RAP1GDS1: variants seen among roughly 807,000 people sequenced by gnomAD.
RAP1GDS1 encodes RAP1, GTP-GDP dissociation stimulator 1.
A neutral mutation model predicts 71.1 loss-of-function variants in RAP1GDS1; 35 were observed. That is an observed-to-expected ratio of 0.49 (90% CI 0.38 to 0.65). The LOEUF is 0.65. Among genes scored for constraint, RAP1GDS1 ranks in the 30% least tolerant of loss-of-function variants. The pLI, the probability that RAP1GDS1 is intolerant of heterozygous loss-of-function variation, is 0.00. For missense variants in RAP1GDS1, 663 were observed against 706.1 expected, an observed-to-expected ratio of 0.94 and a Z score of 0.69; for synonymous variants, 229 against 243.1, an observed-to-expected ratio of 0.94 and a Z score of 0.54.
chr4:98,280,342 C>T (rs559471455), intron 1 of RAP1GDS1, among the ~76,000 whole-genome samples: 8 of 152,272 alleles, frequency 5.3e-5, no homozygotes, highest in Non-Finnish European at 1.0e-4. Flanking sequence ...CATTGATTTG[C>T]GTTTCTCTGA....
intron 1 of RAP1GDS1, among the ~76,000 whole-genome samples, chr4:98,273,234 A>C (rs915875271): frequency 6.6e-6 from 1 of 152,186 alleles, no homozygotes; most frequent in African/African-American, 2.4e-5. Context: ...TTTTGAACTC[A>C]GAAATAAGAA....
At position 98,358,702 on chromosome 4, in the gene RAP1GDS1, A is replaced by G. The variant is rs558500686; in HGVS notation, c.361+6101A>G. On this transcript the variant is annotated intron_variant, in intron 4 of 14. Transcript: ENST00000408927. ...TTAGTTGTGGTACACAAATCTGTAC[A>G]TATGTTAGAATTGCTTAGAACCATA... 2.0e-5 allele frequency among the ~76,000 whole-genome samples: 3 copies of G among 152,194 alleles called. No homozygotes were observed. The South Asian group carries it at 6.2e-4, about 32-fold the overall frequency.
At chr4:98,309,683 A>T (rs1019304307) in intron 2 of RAP1GDS1, among the ~76,000 whole-genome samples, 1 of 152,032 alleles carries the variant, frequency 6.6e-6, no homozygotes, top group Non-Finnish European at 1.5e-5. Flanking sequence ...TGTCAGAAAT[A>T]TATCTTCTTA....
At chr4:98,388,497 G>A (rs1743098682) in intron 5 of RAP1GDS1, among the ~76,000 whole-genome samples, 1 of 152,104 alleles carries the variant, frequency 6.6e-6, no homozygotes, top group African/African-American at 2.4e-5. Flanking sequence ...AGGCCGAGGC[G>A]GATGGATCGC....
intron 3 of RAP1GDS1, among the ~76,000 whole-genome samples, chr4:98,348,241 T>A (rs1736604449): frequency 6.6e-6 from 1 of 152,134 alleles, no homozygotes. Flanking sequence ...CTGTGATAGT[T>A]TGCTGAGAAT....
At chr4:98,364,424 C>A (rs1163370471) in intron 4 of RAP1GDS1, among the ~76,000 whole-genome samples, 1 of 152,066 alleles carries the variant, frequency 6.6e-6, no homozygotes, top group Non-Finnish European at 1.5e-5. Flanking sequence ...TAGTGTTGAT[C>A]TGAAAACCAG....
intron 1 of RAP1GDS1, among the ~76,000 whole-genome samples, chr4:98,280,638 C>T (rs557181154): frequency 7.2e-5 from 11 of 152,118 alleles, no homozygotes; most frequent in Middle Eastern, 3.4e-3. Context: ...TCAATTTTGG[C>T]TTTTGTTGCC....
intron 2 of RAP1GDS1, among the ~76,000 whole-genome samples, chr4:98,329,318 ATAAC>A (rs953553076): frequency 2.0e-4 from 30 of 152,342 alleles, no homozygotes; most frequent in African/African-American, 5.8e-4. Flanking sequence ...ATTTAAGTAA[ATAAC>A]TAATAGTGTT....
chr4:98,426,638 A>G (rs1324220908), intron 12 of RAP1GDS1, among the ~76,000 whole-genome samples: 3 of 152,152 alleles, frequency 2.0e-5, no homozygotes, highest in Non-Finnish European at 4.4e-5. Flanking sequence ...ATTCCTGGAA[A>G]AATACAACCT....
At chr4:98,396,211 C>T (rs1375254713) in intron 6 of RAP1GDS1, 2 of 152,176 alleles carry the variant, frequency 1.3e-5, no homozygotes, top group Non-Finnish European at 2.9e-5. Flanking sequence ...TTGGAAATTA[C>T]GTTTCAACAT....
At chr4:98,288,292 TG>T (rs1726345823) in intron 1 of RAP1GDS1, among the ~76,000 whole-genome samples, 1 of 152,192 alleles carries the variant, frequency 6.6e-6, no homozygotes, top group Non-Finnish European at 1.5e-5. Flanking sequence ...TTTGGTTTTT[TG>T]TCCTTGCCAT....
chr4:98,300,249 A>G (rs1002495708), intron 2 of RAP1GDS1, among the ~76,000 whole-genome samples: 2 of 152,206 alleles, frequency 1.3e-5, no homozygotes, highest in African/African-American at 4.8e-5. Context: ...AGGAAAGATC[A>G]TCCAGCAGCA....
intron 12 of RAP1GDS1, among the ~76,000 whole-genome samples, chr4:98,433,299 CTT>C (rs554332407): frequency 6.8e-6 from 1 of 146,922 alleles, no homozygotes; most frequent in Non-Finnish European, 1.5e-5. Context: ...TTAAAAGCAA[CTT>C]TTTTTTTTTT....
intron 4 of RAP1GDS1, among the ~76,000 whole-genome samples, chr4:98,355,293 A>G (rs775963313): frequency 2.6e-5 from 4 of 152,210 alleles, no homozygotes; most frequent in Non-Finnish European, 5.9e-5. Flanking sequence ...TGATCAATAC[A>G]AAGAATCTTC....
chr4:98,261,736 G>A, intron 1 of RAP1GDS1, 167 bp downstream of exon 1: 1 of 962,340 alleles, frequency 1.0e-6, no homozygotes, highest in Non-Finnish European at 1.5e-6. Context: ...ACGCACGCCG[G>A]GTGCCGGGGC....
intron 2 of RAP1GDS1, among the ~76,000 whole-genome samples, chr4:98,323,998 C>T (rs1250288513): frequency 1.7e-4 from 26 of 149,394 alleles, no homozygotes; most frequent in Non-Finnish European, 2.1e-4. Context: ...TGTTTGCAGA[C>T]GACATGATTG....
intron 2 of RAP1GDS1, among the ~76,000 whole-genome samples, chr4:98,316,324 A>G (rs959242152): frequency 2.0e-5 from 3 of 152,178 alleles, no homozygotes; most frequent in Non-Finnish European, 4.4e-5. Flanking sequence ...AATAAGTATA[A>G]AAGACATGGT....
At chr4:98,278,682 A>G (rs537190472) in intron 1 of RAP1GDS1, among the ~76,000 whole-genome samples, 1 of 152,318 alleles carries the variant, frequency 6.6e-6, no homozygotes, top group African/African-American at 2.4e-5. Context: ...CCCTTAAGAT[A>G]TTATCATTGT....
At chr4:98,330,126 A>G (rs1251385279) in intron 2 of RAP1GDS1, among the ~76,000 whole-genome samples, 4 of 152,174 alleles carry the variant, frequency 2.6e-5, no homozygotes, top group Admixed American at 2.0e-4. Context: ...TTCAGAAAGC[A>G]CAGGGTTGGG....
Sources: gnomAD v4.1 joint callset for allele counts (sites outside exome capture counted in the v4.1 genomes callset) on GRCh38, gnomAD v4.1.1 for gene constraint, MANE v1.5 for transcripts, NCBI Gene and HGNC (gene_info 2026-07-23, HGNC 2026-07-21) for gene names.